Variants in FUT8 observed in about 807,000 individuals in gnomAD.
The protein encoded by FUT8 is alpha-(1,6)-fucosyltransferase.
A neutral mutation model predicts 71.3 loss-of-function variants in FUT8; 29 were observed. The ratio of observed to expected loss-of-function variants is 0.41; its 90% confidence interval spans 0.30 to 0.55. The LOEUF is 0.55. Ranked by LOEUF, FUT8 falls within the 20% of genes least tolerant of loss-of-function variation. The pLI, the probability that FUT8 is intolerant of heterozygous loss-of-function variation, is 0.34. For missense variants in FUT8, 544 were observed against 702.1 expected, an observed-to-expected ratio of 0.77 and a Z score of 2.55; for synonymous variants, 254 against 239.3, an observed-to-expected ratio of 1.06 and a Z score of -0.57.
Position 65,561,427 on chromosome 14 carries a change from A to T in FUT8, c.-137A>T. 1 of 758,778 alleles carries T rather than the reference A, an allele frequency of 1.3e-6. No homozygotes were observed. The highest frequency in any genetic ancestry group is 2.2e-6 in the Non-Finnish European group (1 of 450,718). The allele number at this position is 758,778 out of a possible 1,614,324, so 47.0% of individuals were successfully genotyped here. A position where few individuals can be genotyped will look rare whatever the true frequency, so the allele number is the denominator to read the frequency against. On this transcript the variant is annotated 5_prime_UTR_variant, in exon 3 of 11. An upstream open reading frame in the 5' UTR gains an earlier in-frame stop. Transcript: ENST00000673929. ...GAAAGATTCACTGCAGGACTACCAG[A>T]GAGAATAATTTGTCTGAAGCATCAT... is the stretch of plus-strand genomic sequence containing the variant.
At chr14:65,391,215 A>G in the FUT8 span, among the ~76,000 whole-genome samples, 1 of 152,172 alleles carries the variant, frequency 6.6e-6, no homozygotes, top group Admixed American at 6.5e-5. Context: ...CTACCAAGAA[A>G]TCACAGGGTA....
At chr14:65,706,799 A>G (rs1894579219) in intron 7 of FUT8, among the ~76,000 whole-genome samples, 1 of 152,178 alleles carries the variant, frequency 6.6e-6, no homozygotes, top group Admixed American at 6.5e-5. Context: ...TAGGGATTTC[A>G]GCATATGAAT....
intron 2 of FUT8, among the ~76,000 whole-genome samples, chr14:65,526,061 G>T (rs561433455): frequency 2.0e-5 from 3 of 152,186 alleles, no homozygotes; most frequent in East Asian, 3.8e-4. Flanking sequence ...GGGGAGTTCT[G>T]TAGATGTCTA....
At chr14:65,629,423 T>C in intron 5 of FUT8, 69 bp from the exon 6 acceptor site, 1 of 944,800 alleles carries the variant, frequency 1.1e-6, no homozygotes, top group South Asian at 1.5e-5. Flanking sequence ...GGCATTCTTC[T>C]TAAGACTTTG....
At chr14:65,613,880 G>A (rs957472973) in intron 3 of FUT8, among the ~76,000 whole-genome samples, 88 of 152,140 alleles carry the variant, frequency 5.8e-4, no homozygotes, top group African/African-American at 2.1e-3. Context: ...GGGAGGTTGA[G>A]GTGGGCGGAT....
At chr14:65,673,049 A>G (rs1892545780) in intron 7 of FUT8, among the ~76,000 whole-genome samples, 1 of 152,250 alleles carries the variant, frequency 6.6e-6, no homozygotes, top group South Asian at 2.1e-4. Context: ...TTAATATGAT[A>G]AATGTAATTG....
chr14:65,677,163 T>TGTGTGTGCGCGCGCGCGCGCAC (rs1555383302), intron 7 of FUT8, among the ~76,000 whole-genome samples: 1 of 113,250 alleles, frequency 8.8e-6, no homozygotes, highest in African/African-American at 4.3e-5. Flanking sequence ...CGCGCGCGCA[T>TGTGTGTGCGCGCGCGCGCGCAC]GCGCGCGCAC....
intron 1 of FUT8, among the ~76,000 whole-genome samples, chr14:65,414,681 T>C (rs1287231913): frequency 6.6e-6 from 1 of 152,228 alleles, no homozygotes; most frequent in East Asian, 1.9e-4. Flanking sequence ...GAATAGGCTA[T>C]AAGACACGTA....
At chr14:65,408,976 CT>C (rs1232767368), upstream of FUT8, among the ~76,000 whole-genome samples, 1 of 152,138 alleles carries the variant, frequency 6.6e-6, no homozygotes, top group Non-Finnish European at 1.5e-5. Context: ...AAAATATAGA[CT>C]TTTTTTCCCT....
At position 65,598,815 on chromosome 14, in the gene FUT8, C is replaced by T. The variant is rs78245690; in HGVS notation, c.204-17163C>T. Among the ~76,000 whole-genome samples, 892 of 151,762 alleles carry T rather than the reference C, an allele frequency of 5.9e-3. 30 individuals carry two copies. The East Asian group carries it at 0.094, about 16-fold the overall frequency. On this transcript the variant is annotated intron_variant, in intron 3 of 10. Transcript: ENST00000673929. ...GAACATATTTTTTTTCCCCTGAGGT[C>T]GAGTCTCTGTCTGTTGCCAGGCTGG... is the stretch of plus-strand genomic sequence containing the variant.
intron 6 of FUT8, among the ~76,000 whole-genome samples, chr14:65,653,100 C>A (rs1594863222): frequency 6.6e-6 from 1 of 152,002 alleles, no homozygotes. Flanking sequence ...TCACTTCTGC[C>A]CTACTGTATT....
At chr14:65,393,596 A>G in the FUT8 span, among the ~76,000 whole-genome samples, 1 of 152,222 alleles carries the variant, frequency 6.6e-6, no homozygotes, top group Non-Finnish European at 1.5e-5. Flanking sequence ...CCATGAAGCC[A>G]CGGAGCCTTT....
intron 2 of FUT8, among the ~76,000 whole-genome samples, chr14:65,519,084 A>G (rs1340086211): frequency 6.6e-6 from 1 of 152,226 alleles, no homozygotes; most frequent in Non-Finnish European, 1.5e-5. Context: ...AGAACAGTGA[A>G]TGGCATGTAA....
intron 3 of FUT8, among the ~76,000 whole-genome samples, chr14:65,569,785 G>C (rs142981288): frequency 8.0e-4 from 121 of 151,916 alleles, no homozygotes; most frequent in African/African-American, 2.7e-3. Context: ...TGTGTATAAA[G>C]GCACTGTGGA....
intron 1 of FUT8, among the ~76,000 whole-genome samples, chr14:65,436,737 G>A (rs1177185695): frequency 6.6e-6 from 1 of 152,152 alleles, no homozygotes. Flanking sequence ...ACAATTCCAG[G>A]GGACATCATT....
Position 65,439,952 on chromosome 14 carries a change from GTGTATA to G in FUT8, c.-325-15667_-325-15662del, listed in dbSNP as rs1392080978. 1.8e-3 allele frequency among the ~76,000 whole-genome samples: 67 copies of G among 38,212 alleles called. 2 individuals carry two copies. Among genetic ancestry groups the G allele is most frequent in the Middle Eastern group, 0.011 (1 of 92 alleles). 25.1% of individuals were successfully genotyped at this position (38,212 alleles called of 152,430 possible). The stretch of plus-strand genomic sequence containing the variant: ...GGATAAAGAAAATGTGTGTGTGTGT[GTGTATA>G]TATATATATATATATATATATATAT... On this transcript the variant is annotated intron_variant, in intron 1 of 10. Coordinates refer to ENST00000673929, the MANE Select transcript of FUT8 (RefSeq NM_001371533.1).
chr14:65,369,713 C>T, the FUT8 span, among the ~76,000 whole-genome samples: 4 of 152,120 alleles, frequency 2.6e-5, no homozygotes, highest in Non-Finnish European at 5.9e-5. The surrounding 1 kb of genome is among the most constrained non-coding windows in gnomAD (Gnocchi z 4.6). Flanking sequence ...AGAAAGTTAC[C>T]CTATATGGTC....
intron 2 of FUT8, among the ~76,000 whole-genome samples, chr14:65,484,626 A>T (rs1324141732): frequency 1.3e-5 from 2 of 152,164 alleles, no homozygotes; most frequent in African/African-American, 2.4e-5. Flanking sequence ...GGGAGCCAAG[A>T]TCATGCCACT....
chr14:65,656,234 A>T (rs1891675921), intron 6 of FUT8, among the ~76,000 whole-genome samples: 1 of 152,144 alleles, frequency 6.6e-6, no homozygotes, highest in Non-Finnish European at 1.5e-5. Context: ...AAAAAAAACT[A>T]CTAGAACTGA....
Sources: gnomAD v4.1 joint callset for allele counts (sites outside exome capture counted in the v4.1 genomes callset) on GRCh38, gnomAD v4.1.1 for gene constraint, Gnocchi (gnomAD v3.1) non-coding constraint, MANE v1.5 for transcripts, NCBI Gene and HGNC (gene_info 2026-07-23, HGNC 2026-07-21) for gene names.